LNP1: variants seen among roughly 807,000 people sequenced by gnomAD.
LNP1 encodes leukemia NUP98 fusion partner 1.
A neutral mutation model predicts 14.5 loss-of-function variants in LNP1; 12 were observed. The observed-to-expected ratio is 0.83, with a 90% CI of 0.53 to 1.34. The LOEUF (loss-of-function observed/expected upper bound fraction) is 1.34, where lower values mean the gene tolerates loss of function less well. Among genes scored for constraint, LNP1 ranks in the 40% most tolerant of loss-of-function variants. The pLI, the probability that LNP1 is intolerant of heterozygous loss-of-function variation, is 0.00. For synonymous variants in LNP1, 75 were observed against 71.4 expected (o/e 1.05, Z -0.26); for missense variants, 198 against 210.9 (o/e 0.94, Z 0.38).
chr3:100,409,553 T>TAC (rs1205237589), intron 1 of LNP1, among the ~76,000 whole-genome samples: 1 of 122,202 alleles, frequency 8.2e-6, no homozygotes, highest in African/African-American at 3.1e-5. Context: ...TATATATATA[T>TAC]ACATACACAC....
intron 1 of LNP1, among the ~76,000 whole-genome samples, chr3:100,410,013 TG>T (rs1389023114): frequency 6.6e-6 from 1 of 151,084 alleles, no homozygotes; most frequent in African/African-American, 2.4e-5. Context: ...CTATTTTATC[TG>T]TCTATAATTA....
chr3:100,425,691 A>G (rs1707185695), intron 1 of LNP1, among the ~76,000 whole-genome samples: 1 of 152,280 alleles, frequency 6.6e-6, no homozygotes, highest in East Asian at 1.9e-4. Flanking sequence ...TGGGTGTAAG[A>G]GGGACAAAAG....
intron 1 of LNP1, among the ~76,000 whole-genome samples, chr3:100,417,317 G>A (rs538050925): frequency 2.7e-5 from 4 of 146,934 alleles, no homozygotes; most frequent in South Asian, 2.2e-4. Context: ...GTTGTATGAC[G>A]ATATTTTCAA....
rs766887496 is a variant in LNP1, at chr3:100,401,893, T to C, written c.-580T>C. 3.9e-5 allele frequency: 6 copies of C among 152,192 alleles called. No individual in the cohort carries two copies. The highest frequency in any genetic ancestry group is 3.9e-4 in the Admixed American group (6 of 15,278). 9.4% of individuals were successfully genotyped at this position (152,192 alleles called of 1,614,324 possible). On this transcript the variant is annotated 5_prime_UTR_variant, in exon 1 of 4. Transcript: ENST00000383693. ...CTGCGTTGTTAGGGGTTTCTTAAAC[T>C]GAGTTGGTAGAAATGCGAAGCGTCA...
At chr3:100,409,309 T>C (rs1707001576) in intron 1 of LNP1, among the ~76,000 whole-genome samples, 1 of 152,078 alleles carries the variant, frequency 6.6e-6, no homozygotes, top group African/African-American at 2.4e-5. Context: ...CTCCTTGGTC[T>C]CCAGCTTGTT....
chr3:100,445,384 A>G (rs1173052365), intron 2 of LNP1, among the ~76,000 whole-genome samples: 2 of 152,124 alleles, frequency 1.3e-5, no homozygotes, highest in Admixed American at 1.3e-4. Context: ...GAATAGCTTT[A>G]ATTTCTGGCC....
At position 100,402,422 on chromosome 3, in the gene LNP1, C is replaced by G. The variant is rs533929365; in HGVS notation, c.-51C>G. The G allele has an allele frequency of 6.6e-6, 1 of 152,148 alleles. No individual in the cohort carries two copies. The allele number at this position is 152,148 out of a possible 1,614,324, so 9.4% of individuals were successfully genotyped here. ...TAATTGGAAAGAATTTCAGGATCAC[C>G]GGTTTCTCCTGCTTCATGTAAGTTC... On this transcript the variant is annotated 5_prime_UTR_variant, in exon 1 of 4. Transcript: ENST00000383693.
chr3:100,409,557 T>TACACACACACAC (rs35651277), intron 1 of LNP1, among the ~76,000 whole-genome samples: 1 of 126,354 alleles, frequency 7.9e-6, no homozygotes, highest in Admixed American at 8.7e-5. Flanking sequence ...TATATATACA[T>TACACACACACAC]ACACACACAC....
chr3:100,425,822 C>T (rs1396303248), intron 1 of LNP1, among the ~76,000 whole-genome samples: 1 of 152,188 alleles, frequency 6.6e-6, no homozygotes, highest in Non-Finnish European at 1.5e-5. Flanking sequence ...ATTACCCTAT[C>T]CCTTTTGTCC....
chr3:100,413,076 C>A (rs76763361), intron 1 of LNP1, among the ~76,000 whole-genome samples: 1 of 152,124 alleles, frequency 6.6e-6, no homozygotes, highest in Non-Finnish European at 1.5e-5. Context: ...CTGCAGCTGC[C>A]GCCACCAGAA....
chr3:100,418,991 G>A lies in LNP1; in HGVS notation c.-33-10706G>A, dbSNP rs955951707. Among the ~76,000 whole-genome samples, 13 of 152,286 alleles carry A rather than the reference G, an allele frequency of 8.5e-5. No homozygotes were observed. The East Asian group carries it at 1.4e-3, about 16-fold the overall frequency. ...TCTCAGGTCTAGAGGATGCCGTGTTGCTTCTTTCTTCTTCCTCCTGCATGG... is the reference window on the plus strand; with the variant it reads ...TCTCAGGTCTAGAGGATGCCGTGTTACTTCTTTCTTCTTCCTCCTGCATGG... On this transcript the variant is annotated intron_variant, in intron 1 of 3. Transcript: ENST00000383693.
intron 1 of LNP1, among the ~76,000 whole-genome samples, chr3:100,426,018 A>G (rs992855684): frequency 9.2e-5 from 14 of 152,198 alleles, no homozygotes; most frequent in Admixed American, 2.6e-4. Flanking sequence ...GAGCTATCCC[A>G]TAAGGGGTCA....
At chr3:100,407,251 T>C (rs183507191) in intron 1 of LNP1, among the ~76,000 whole-genome samples, 3 of 152,340 alleles carry the variant, frequency 2.0e-5, no homozygotes, top group Admixed American at 2.0e-4. Flanking sequence ...GAACACCCTT[T>C]AGCATTTCTT....
At chr3:100,427,021 C>T (rs561210742) in intron 1 of LNP1, among the ~76,000 whole-genome samples, 10 of 152,000 alleles carry the variant, frequency 6.6e-5, no homozygotes, top group Admixed American at 2.0e-4. Flanking sequence ...GTAAATTCAG[C>T]GTATATGATT....
intron 1 of LNP1, among the ~76,000 whole-genome samples, chr3:100,423,473 C>T (rs1027210718): frequency 4.6e-5 from 7 of 151,918 alleles, no homozygotes; most frequent in African/African-American, 9.7e-5. Flanking sequence ...GCCTGGGCAA[C>T]GTAGTGAGAC....
intron 1 of LNP1, among the ~76,000 whole-genome samples, chr3:100,424,562 G>T (rs1290066519): frequency 6.6e-6 from 1 of 152,184 alleles, no homozygotes; most frequent in Admixed American, 6.5e-5. Flanking sequence ...TGCTGGTCAG[G>T]TAGGCACACT....
chr3:100,405,243 A>T (rs1292456866), intron 1 of LNP1, among the ~76,000 whole-genome samples: 2 of 152,210 alleles, frequency 1.3e-5, no homozygotes, highest in African/African-American at 4.8e-5. Flanking sequence ...ACATAAACAC[A>T]AAATCAGCTG....
chr3:100,414,221 TGG>T (rs1290860469), intron 1 of LNP1, among the ~76,000 whole-genome samples: 1 of 152,126 alleles, frequency 6.6e-6, no homozygotes, highest in Non-Finnish European at 1.5e-5. Context: ...CTGAATGGGT[TGG>T]TCTGAAGGGT....
At chr3:100,449,591 GA>G (rs370313701) in intron 2 of LNP1, among the ~76,000 whole-genome samples, 2 of 151,762 alleles carry the variant, frequency 1.3e-5, no homozygotes, top group African/African-American at 4.8e-5. Flanking sequence ...CAACTGAGAA[GA>G]AAAAAACTTT....
Sources: gnomAD v4.1 joint callset for allele counts (sites outside exome capture counted in the v4.1 genomes callset) on GRCh38, gnomAD v4.1.1 for gene constraint, MANE v1.5 for transcripts, NCBI Gene and HGNC (gene_info 2026-07-23, HGNC 2026-07-21) for gene names.